The following ARID1B variants were observed in gnomAD, a reference collection of about 807,000 sequenced individuals.
The protein encoded by ARID1B is AT-rich interaction domain 1B, also known as AT-rich interactive domain-containing protein 1B.
A neutral mutation model predicts 212.3 loss-of-function variants in ARID1B; 30 were observed. That is an observed-to-expected ratio of 0.14 (90% CI 0.11 to 0.19). The LOEUF is 0.19. ARID1B is among the 10% of genes least tolerant of loss of function. ARID1B has a pLI of 1.00. For missense variants in ARID1B, 2,891 were observed against 3,204.0 expected (o/e 0.90, Z 2.36); for synonymous variants, 1,402 against 1,301.7 (o/e 1.08, Z -1.66).
At chr6:157,022,648 C>A (rs1780391817) in intron 4 of ARID1B, 1 of 152,234 alleles carries the variant, frequency 6.6e-6, no homozygotes, top group South Asian at 2.1e-4. Flanking sequence ...TAGTAGCAAT[C>A]AGCGACGGCC....
rs2115003542 is a variant in ARID1B, at chr6:156,779,361, G to T, written c.1681G>T (p.Asp561Tyr). The change falls in exon 1 of 20, where the codon GAC (aspartate) becomes TAC (tyrosine). Residue 561 changes from aspartate (D) to tyrosine (Y), a missense_variant. Physicochemically the swap from Asp to Tyr is radical, Grantham distance 160. Transcript: ENST00000636930. ...GGCCGCGGGCATGGGCTTGGGCAAGGACATGGGCGCCCAGTACGCCGCTGC... is the reference window on the plus strand; with the variant it reads ...GGCCGCGGGCATGGGCTTGGGCAAGTACATGGGCGCCCAGTACGCCGCTGC... ...QAAAGMGLGK[D>Y]MGAQYAAASP... 2 of 1,323,784 alleles carry T rather than the reference G, an allele frequency of 1.5e-6. No individual in the cohort carries two copies. The highest frequency in any genetic ancestry group is 1.9e-6 in the Non-Finnish European group (2 of 1,031,122). The allele number at this position is 1,323,784 out of a possible 1,614,324, so 82.0% of individuals were successfully genotyped here.
intron 2 of ARID1B, among the ~76,000 whole-genome samples, chr6:156,845,265 G>T (rs889269768): frequency 6.6e-6 from 1 of 152,180 alleles, no homozygotes; most frequent in Non-Finnish European, 1.5e-5. Flanking sequence ...GCCACCTGCC[G>T]CATTCTGCAT....
In ARID1B at chr6:156,927,519, C is replaced by T. The variant is rs139653549; in HGVS notation, c.2137-7947C>T. Among the ~76,000 whole-genome samples, 508 of 152,272 alleles carry T rather than the reference C, an allele frequency of 3.3e-3. 2 individuals are homozygous for T. Among genetic ancestry groups the T allele is most frequent in the Non-Finnish European group, 2.9e-3 (195 of 68,022 alleles). The stretch of plus-strand genomic sequence containing the variant: ...ATCAAATGTCTTGATCCCCACCCCA[C>T]CCCCGCTTCTGGTGGCATTATTGAT... On this transcript the variant is annotated intron_variant, in intron 3 of 19. Transcript: ENST00000636930.
chr6:156,827,308 C>T (rs910975772), intron 1 of ARID1B, among the ~76,000 whole-genome samples: 4 of 152,234 alleles, frequency 2.6e-5, no homozygotes, highest in African/African-American at 9.6e-5. Context: ...TCTGCACACT[C>T]CATCTCATTT....
intron 2 of ARID1B, among the ~76,000 whole-genome samples, chr6:156,856,672 C>CCTCTCTCTCTCTCTCTCTCTCT (rs367924636): frequency 1.5e-4 from 16 of 108,778 alleles, no homozygotes; most frequent in Admixed American, 3.6e-4. Flanking sequence ...GCATGCATAT[C>CCTCTCTCTCTCTCTCTCTCTCT]CTCTCTCTCT....
intron 2 of ARID1B, among the ~76,000 whole-genome samples, chr6:156,895,170 T>C (rs979158120): frequency 6.6e-6 from 1 of 152,242 alleles, no homozygotes; most frequent in African/African-American, 2.4e-5. Flanking sequence ...TTTTTTAAAC[T>C]TTTTTAAATT....
chr6:156,859,878 C>T (rs757426170), intron 2 of ARID1B, among the ~76,000 whole-genome samples: 8 of 152,208 alleles, frequency 5.3e-5, no homozygotes, highest in Non-Finnish European at 1.2e-4. Flanking sequence ...GACTTTCACA[C>T]CCTTCTTGTC....
rs1235458673 is a variant in ARID1B, at chr6:156,777,834, G to GCGGCAC, written c.158_163dup (p.Ala53_Pro54dup). On this transcript the variant is annotated inframe_insertion, in exon 1 of 20. Transcript: ENST00000636930. ...GGCGCGCGGCGCGGCGGCGGCGGCG[G>GCGGCAC]CGGCACCGGGACCCATGCTGGGGGG... 1.7e-5 allele frequency: 20 copies of GCGGCAC among 1,143,888 alleles called. No individual in the cohort carries two copies. The highest frequency in any genetic ancestry group is 3.9e-5 in the East Asian group (1 of 25,674). 70.9% of individuals were successfully genotyped at this position (1,143,888 alleles called of 1,614,324 possible). A position where few individuals can be genotyped will look rare whatever the true frequency, so the allele number is the denominator to read the frequency against.
intron 10 of ARID1B, 87 bp downstream of exon 10, chr6:157,174,204 C>A: frequency 8.4e-7 from 1 of 1,197,356 alleles, no homozygotes; most frequent in Non-Finnish European, 1.2e-6. Context: ...TTGGCCGACA[C>A]TTTTTTTTCA....
In ARID1B at chr6:157,085,168, A is replaced by G. The variant is rs560957881; in HGVS notation, c.2491+263A>G. On this transcript the variant is annotated intron_variant, in intron 5 of 19. Transcript: ENST00000636930. The stretch of plus-strand genomic sequence containing the variant: ...CCTTAACTTATGCCAGAAACAGGGT[A>G]TTATTTATCCTCTTAGCATATGTTT... Among the ~76,000 whole-genome samples, 17 of 152,294 alleles carry G rather than the reference A, an allele frequency of 1.1e-4. No homozygotes were observed. In the East Asian group the frequency reaches 3.3e-3, roughly 29 times the overall value.
chr6:157,105,751 A>G (rs945035876), intron 5 of ARID1B, among the ~76,000 whole-genome samples: 1 of 152,042 alleles, frequency 6.6e-6, no homozygotes, highest in African/African-American at 2.4e-5. Context: ...ACAGGCACGC[A>G]TCACCATACC....
intron 1 of ARID1B, among the ~76,000 whole-genome samples, chr6:156,780,724 G>A (rs1194749188): frequency 6.6e-6 from 1 of 152,214 alleles, no homozygotes; most frequent in Non-Finnish European, 1.5e-5. Flanking sequence ...TTATTAATAA[G>A]AGGATCAAAT....
rs1483622629 is a variant in ARID1B, at chr6:157,201,855, G to C, written c.5263+367G>C. On this transcript the variant is annotated intron_variant, in intron 18 of 19. Transcript: ENST00000636930. This position sits in a 1 kb window ranked among gnomAD's most constrained non-coding sequence, Gnocchi z 5.2. ...GATTAGAGCTTCAAGTAAGAGATCA[G>C]GGAATCCTGAGTGGTTATATGCTGT... is the stretch of plus-strand genomic sequence containing the variant. 6.6e-6 allele frequency among the ~76,000 whole-genome samples: 1 copy of C among 151,982 alleles called. No individual in the cohort carries two copies. Among genetic ancestry groups the C allele is most frequent in the Non-Finnish European group, 1.5e-5 (1 of 68,036 alleles).
intron 8 of ARID1B, among the ~76,000 whole-genome samples, chr6:157,155,429 G>A (rs1048462558): frequency 2.6e-5 from 4 of 151,526 alleles, no homozygotes; most frequent in South Asian, 2.1e-4. Flanking sequence ...AGAGCCCTTC[G>A]TGGACTAACT....
intron 4 of ARID1B, among the ~76,000 whole-genome samples, chr6:156,949,349 G>A (rs148101346): frequency 3.6e-4 from 55 of 152,142 alleles, no homozygotes; most frequent in African/African-American, 1.3e-3. Flanking sequence ...CTTTTCAGCC[G>A]GGATACTCCA....
intron 3 of ARID1B, among the ~76,000 whole-genome samples, chr6:156,928,812 C>T (rs1791461288): frequency 6.6e-6 from 1 of 152,160 alleles, no homozygotes; most frequent in African/African-American, 2.4e-5. Flanking sequence ...TTCATTTTCG[C>T]ATTTCTTACT....
At chr6:156,815,755 C>A (rs893356351) in intron 1 of ARID1B, among the ~76,000 whole-genome samples, 2 of 152,184 alleles carry the variant, frequency 1.3e-5, no homozygotes, top group Non-Finnish European at 2.9e-5. Context: ...GTTGCTGTTA[C>A]TATCCAGCTA....
rs867735673 is a variant in ARID1B at position 156,935,366 on chromosome 6, C to T, written c.2137-100C>T. On this transcript the variant is annotated intron_variant, in intron 3 of 19. Coordinates refer to ENST00000636930, the MANE Select transcript of ARID1B (RefSeq NM_001374828.1). ...AAGTGCTGGGATTACAGGCATGAGC[C>T]ACTGTGCCCAGCCAAGCTTTTGTTT... 117 of 994,950 alleles carry T rather than the reference C, an allele frequency of 1.2e-4. No homozygotes were observed. The African/African-American group carries it at 1.7e-3, about 14-fold the overall frequency. 61.6% of individuals were successfully genotyped at this position (994,950 alleles called of 1,614,324 possible).
intron 4 of ARID1B, chr6:156,976,890 A>C (rs1777284814): frequency 1.8e-6 from 1 of 570,382 alleles, no homozygotes; most frequent in Admixed American, 1.9e-5. Flanking sequence ...CGGGCTAAAC[A>C]AGTGTGGAGT....
Sources: gnomAD v4.1 joint callset for allele counts (sites outside exome capture counted in the v4.1 genomes callset) on GRCh38, gnomAD v4.1.1 for gene constraint, Gnocchi (gnomAD v3.1) non-coding constraint, MANE v1.5 for transcripts, NCBI Gene and HGNC (gene_info 2026-07-23, HGNC 2026-07-21) for gene names.